The following COL24A1 variants were observed in gnomAD, a reference collection of about 807,000 sequenced individuals.
COL24A1 encodes the protein collagen alpha-1(XXIV) chain.
Under a neutral mutation model 253.9 loss-of-function variants are expected in COL24A1, and 224 were observed. That is an observed-to-expected ratio of 0.88 (90% CI 0.79 to 0.99). COL24A1 has a LOEUF of 0.99. Among genes scored for constraint, COL24A1 ranks in the 50% least tolerant of loss-of-function variants. The pLI, the probability that COL24A1 is intolerant of heterozygous loss-of-function variation, is 0.00. For missense variants in COL24A1, 2,131 were observed against 2,068.5 expected (o/e 1.03, Z -0.59); for synonymous variants, 685 against 673.7 (o/e 1.02, Z -0.26).
chr1:85,828,576 C>G (rs1048269798), intron 43 of COL24A1, among the ~76,000 whole-genome samples: 1 of 151,212 alleles, frequency 6.6e-6, no homozygotes, highest in Non-Finnish European at 1.5e-5. Context: ...TTGCAGGTCA[C>G]TCAGGACTTG....
chr1:86,144,606 T>C (rs1404552225), intron 2 of COL24A1, among the ~76,000 whole-genome samples: 1 of 152,178 alleles, frequency 6.6e-6, no homozygotes, highest in East Asian at 1.9e-4. Context: ...ATACAAAATA[T>C]ACATTTAATT....
intron 2 of COL24A1, among the ~76,000 whole-genome samples, chr1:86,141,524 G>A (rs1258578462): frequency 6.6e-6 from 1 of 152,060 alleles, no homozygotes; most frequent in East Asian, 1.9e-4. Flanking sequence ...AATAACAGTG[G>A]CAACCAGGAT....
At chr1:85,937,515 T>C (rs1236422497) in intron 24 of COL24A1, among the ~76,000 whole-genome samples, 1 of 147,228 alleles carries the variant, frequency 6.8e-6, no homozygotes, top group Non-Finnish European at 1.5e-5. Context: ...CATGAAAGAG[T>C]ATCTGCAGGT....
chr1:85,882,854 T>C (rs1682022984), intron 32 of COL24A1, among the ~76,000 whole-genome samples: 1 of 152,212 alleles, frequency 6.6e-6, no homozygotes, highest in African/African-American at 2.4e-5. Flanking sequence ...TTGCACCATG[T>C]CTCTCTTTAC....
In COL24A1 at chr1:85,908,036, C is replaced by T. The variant is rs142660021; in HGVS notation, c.2724+562G>A. On this transcript the variant is annotated intron_variant, in intron 27 of 59. Coordinates refer to ENST00000370571, the MANE Select transcript of COL24A1 (RefSeq NM_152890.7). ...GCTTCACAAATAATAAAAGTCTTCA[C>T]TGATAAGAAAAGTTCTGCTCAGGGG... Among the ~76,000 whole-genome samples, 933 of 151,738 alleles carry T rather than the reference C, an allele frequency of 6.1e-3. 12 individuals are homozygous for T. The highest frequency in any genetic ancestry group is 0.021 in the African/African-American group (888 of 41,466).
Position 86,146,201 on chromosome 1 carries a change from C to T in COL24A1, c.57-18G>A, listed in dbSNP as rs568917614. 3 of 1,603,008 alleles carry T rather than the reference C, an allele frequency of 1.9e-6. No individual in the cohort carries two copies. The highest frequency in any genetic ancestry group is 2.2e-5 in the South Asian group (2 of 89,016). On this transcript the variant is annotated intron_variant, in intron 1 of 59. Coordinates refer to ENST00000370571, the MANE Select transcript of COL24A1 (RefSeq NM_152890.7). Reference sequence around the variant, plus strand: ...GTGATTTCCTAGGAAAAGAAAAAAGCATTTGGGAAAAACTTACTAGTTGGA... The same window carrying T: ...GTGATTTCCTAGGAAAAGAAAAAAGTATTTGGGAAAAACTTACTAGTTGGA...
chr1:86,010,068 C>T (rs1696354566), intron 19 of COL24A1, among the ~76,000 whole-genome samples: 1 of 151,948 alleles, frequency 6.6e-6, no homozygotes, highest in Non-Finnish European at 1.5e-5. Flanking sequence ...ACAAAAAAAA[C>T]TTTTAATGTA....
intron 20 of COL24A1, among the ~76,000 whole-genome samples, chr1:85,980,321 T>C (rs1185422896): frequency 6.6e-6 from 1 of 152,236 alleles, no homozygotes; most frequent in Non-Finnish European, 1.5e-5. Flanking sequence ...AACATTGTAC[T>C]GGTAGTCCTA....
At chr1:85,963,883 T>G (rs1438343901) in intron 23 of COL24A1, among the ~76,000 whole-genome samples, 1 of 152,130 alleles carries the variant, frequency 6.6e-6, no homozygotes, top group Non-Finnish European at 1.5e-5. Context: ...GAATTGTTAA[T>G]CCCAGGCAAG....
intron 24 of COL24A1, among the ~76,000 whole-genome samples, chr1:85,921,953 CAA>C: frequency 6.6e-6 from 1 of 152,108 alleles, no homozygotes; most frequent in East Asian, 1.9e-4. Flanking sequence ...CTAGAATAAA[CAA>C]TGTAGAGAAG....
intron 37 of COL24A1, among the ~76,000 whole-genome samples, chr1:85,867,934 G>A (rs752914417): frequency 2.0e-5 from 3 of 152,100 alleles, no homozygotes; most frequent in Non-Finnish European, 2.9e-5. Flanking sequence ...TGGTGGAGAA[G>A]GGGTTTCACC....
chr1:85,817,954 T>C (rs1353796657), intron 46 of COL24A1, 80 bp downstream of exon 46: 3 of 1,112,702 alleles, frequency 2.7e-6, no homozygotes, highest in Non-Finnish European at 4.1e-6. Context: ...ATGACACAAT[T>C]GGCCCCAAAC....
chr1:86,016,405 T>A (rs1185302598), intron 19 of COL24A1, among the ~76,000 whole-genome samples: 1 of 152,242 alleles, frequency 6.6e-6, no homozygotes, highest in South Asian at 2.1e-4. Context: ...ATGCCAATTA[T>A]TTTCTCAGCC....
intron 1 of COL24A1, chr1:86,155,368 C>G (rs1269141472): frequency 6.5e-6 from 1 of 152,828 alleles, no homozygotes; most frequent in Non-Finnish European, 1.5e-5. Flanking sequence ...CAATTCTGTT[C>G]CTTGCCCTCC....
At chr1:86,048,838 A>G (rs1219486689) in intron 11 of COL24A1, among the ~76,000 whole-genome samples, 1 of 152,194 alleles carries the variant, frequency 6.6e-6, no homozygotes, top group East Asian at 1.9e-4. Flanking sequence ...GAGTGTGATT[A>G]CAGCAATGTG....
At chr1:85,944,521 G>C (rs907203483) in intron 24 of COL24A1, among the ~76,000 whole-genome samples, 1 of 152,032 alleles carries the variant, frequency 6.6e-6, no homozygotes, top group African/African-American at 2.4e-5. Context: ...TTGATCTTAT[G>C]AGATCATAGC....
intron 47 of COL24A1, among the ~76,000 whole-genome samples, chr1:85,805,712 T>C (rs930078734): frequency 3.3e-5 from 5 of 152,320 alleles, no homozygotes; most frequent in East Asian, 1.9e-4. Context: ...AAAACACTTA[T>C]GGTACGTGGG....
At chr1:85,814,498 A>C (rs1403190851) in intron 47 of COL24A1, among the ~76,000 whole-genome samples, 2 of 152,220 alleles carry the variant, frequency 1.3e-5, no homozygotes, top group East Asian at 3.8e-4. Flanking sequence ...CTTGCTAGAA[A>C]CAAGCAACAG....
At chr1:86,137,941 A>C (rs1334965187) in intron 2 of COL24A1, among the ~76,000 whole-genome samples, 1 of 152,108 alleles carries the variant, frequency 6.6e-6, no homozygotes, top group Non-Finnish European at 1.5e-5. Flanking sequence ...AAAATCGTCC[A>C]ATGGCTTTCC....
Sources: gnomAD v4.1 joint callset for allele counts (sites outside exome capture counted in the v4.1 genomes callset) on GRCh38, gnomAD v4.1.1 for gene constraint, MANE v1.5 for transcripts, NCBI Gene and HGNC (gene_info 2026-07-23, HGNC 2026-07-21) for gene names.